APC: variants seen among roughly 807,000 people sequenced by gnomAD.
APC encodes adenomatous polyposis coli protein.
In APC, 72 loss-of-function variants were observed where a neutral mutation model predicts 247.0. The ratio of observed to expected loss-of-function variants is 0.29; its 90% CI spans 0.24 to 0.35. APC has a LOEUF of 0.35. APC is among the 10% of genes least tolerant of loss of function. The probability of loss-of-function intolerance (pLI) is 1.00; values close to 1 mark genes in which losing one functional copy is unlikely to be tolerated. For synonymous variants in APC, 1,254 were observed against 1,162.5 expected (o/e 1.08, Z -1.60); for missense variants, 3,400 against 3,360.7 (o/e 1.01, Z -0.29).
In APC at chr5:112,840,394, A is replaced by T. The variant is rs786201779; in HGVS notation, c.4800A>T (p.Lys1600Asn). Residue 1600 changes from lysine to asparagine, a missense_variant, in exon 16 of 16, where the codon AAA becomes AAT. By Grantham distance (94) the Lys-to-Asn change is moderately conservative (BLOSUM62 0). Transcript: ENST00000257430. The surrounding 1 kb of genome is among the most constrained non-coding windows in gnomAD (Gnocchi z 4.1). Reference sequence around the variant, plus strand: ...AAAAGCCAGCCCAGACTGCTTCAAAATTACCTCCACCTGTGGCAAGGAAAC... The same window carrying T: ...AAAAGCCAGCCCAGACTGCTTCAAATTTACCTCCACCTGTGGCAAGGAAAC... ...KAKKPAQTAS[K>N]LPPPVARKPS... 3 of 1,614,098 alleles carry T rather than the reference A, an allele frequency of 1.9e-6. No individual in the cohort carries two copies. The highest frequency in any genetic ancestry group is 2.5e-6 in the Non-Finnish European group (3 of 1,180,044).
chr5:112,717,885 CTTTTCT>C (rs1561401626), intron 1 of APC, among the ~76,000 whole-genome samples: 3 of 39,982 alleles, frequency 7.5e-5, no homozygotes, highest in East Asian at 1.6e-3. Context: ...TCTCTTACCT[CTTTTCT>C]TTTTCTTTTT....
chr5:112,808,514 C>T (rs182523548), intron 8 of APC, among the ~76,000 whole-genome samples: 1 of 152,188 alleles, frequency 6.6e-6, no homozygotes, highest in Non-Finnish European at 1.5e-5. Flanking sequence ...AGTGCAGTGG[C>T]AAAGCTCACT....
chr5:112,767,028 G>C (rs575746667), intron 3 of APC, among the ~76,000 whole-genome samples, 161 bp from the exon 4 acceptor site: 1 of 152,142 alleles, frequency 6.6e-6, no homozygotes, highest in South Asian at 2.1e-4. Context: ...TGACCCAAGT[G>C]GACTTTTCAG....
rs876660867 is a variant in APC, at chr5:112,839,704, A to T, written c.4110A>T (p.Lys1370Asn). 5 of 1,614,106 alleles carry T rather than the reference A, an allele frequency of 3.1e-6. No individual in the cohort carries two copies. Among genetic ancestry groups the T allele is most frequent in the Non-Finnish European group, 8.5e-7 (1 of 1,180,000 alleles). ...CCAAAAGTGGTGCTCAGACACCCAA[A>T]AGTCCACCTGAACACTATGTTCAGG... is the stretch of plus-strand genomic sequence containing the variant. The part of the protein sequence containing the change: ...SPSKSGAQTP[K>N]SPPEHYVQET... The change falls in exon 16 of 16, where the codon AAA (lysine) becomes AAT (asparagine). Residue 1370 changes from lysine to asparagine, a missense_variant. This residue lies in a region of APC where 715 missense variants were observed against 656.6 expected (regional missense o/e 1.09). Coordinates refer to ENST00000257430, the MANE Select transcript of APC (RefSeq NM_000038.6). This position sits in a 1 kb window ranked among gnomAD's most constrained non-coding sequence, Gnocchi z 5.0.
At chr5:112,773,673 A>G (rs1757296738) in intron 4 of APC, among the ~76,000 whole-genome samples, 1 of 152,202 alleles carries the variant, frequency 6.6e-6, no homozygotes, top group Non-Finnish European at 1.5e-5. Context: ...AAGTGGACCC[A>G]TGCAGTTCAC....
At chr5:112,798,821 G>T (rs1760481391) in intron 7 of APC, among the ~76,000 whole-genome samples, 1 of 152,168 alleles carries the variant, frequency 6.6e-6, no homozygotes, top group African/African-American at 2.4e-5. Context: ...GGAATTGCCT[G>T]GGTTGGAATT....
At chr5:112,813,787 C>T (rs1762219766) in intron 8 of APC, among the ~76,000 whole-genome samples, 1 of 151,528 alleles carries the variant, frequency 6.6e-6, no homozygotes, top group African/African-American at 2.4e-5. Flanking sequence ...AAAAAATCAC[C>T]AAAAGTGAAA....
At chr5:112,779,878 A>C (rs751063254) in intron 5 of APC, among the ~76,000 whole-genome samples, 30 of 152,328 alleles carry the variant, frequency 2.0e-4, no homozygotes, top group Admixed American at 1.3e-3. Flanking sequence ...TACAACTGAC[A>C]ACACAATTTG....
intron 8 of APC, among the ~76,000 whole-genome samples, chr5:112,811,426 A>G (rs1271781127): frequency 6.6e-6 from 1 of 152,210 alleles, no homozygotes; most frequent in Non-Finnish European, 1.5e-5. Flanking sequence ...GTCCCTCCGA[A>G]AGAAGTTGGC....
rs1308792439 is a variant in APC at position 112,841,479 on chromosome 5, G to A, written c.5885G>A (p.Cys1962Tyr). Residue 1962 changes from cysteine to tyrosine, a missense_variant, in exon 16 of 16, where the codon TGC becomes TAC. This residue lies in a region of APC where 1,788 missense variants were observed against 1,649.5 expected (regional missense o/e 1.08). Transcript: ENST00000257430. This position sits in a 1 kb window ranked among gnomAD's most constrained non-coding sequence, Gnocchi z 4.6. ...QNFAIENTPV[C>Y]FSHNSSLSSL... Reference sequence around the variant, plus strand: ...TTTGCTATTGAAAATACTCCGGTTTGCTTTTCTCATAATTCCTCTCTGAGT... The same window carrying A: ...TTTGCTATTGAAAATACTCCGGTTTACTTTTCTCATAATTCCTCTCTGAGT... The A allele has an allele frequency of 6.2e-7, 1 of 1,613,420 alleles. No individual in the cohort carries two copies. The highest frequency in any genetic ancestry group is 8.5e-7 in the Non-Finnish European group (1 of 1,179,492).
chr5:112,783,765 C>CAAAAAAA (rs77929348), intron 6 of APC: 8 of 198,074 alleles, frequency 4.0e-5, no homozygotes, highest in African/African-American at 9.8e-5. Flanking sequence ...CCACTGCACT[C>CAAAAAAA]AAAAAAAAAA....
chr5:112,777,664 A>T, intron 5 of APC: 1 of 208,124 alleles, frequency 4.8e-6, no homozygotes, highest in Non-Finnish European at 1.1e-5. Context: ...CTTCTGGACA[A>T]GAATGCCAAG....
At position 112,843,605 on chromosome 5, in the gene APC, T is replaced by C. The variant is rs774237132; in HGVS notation, c.8011T>C (p.Ser2671Pro). Residue 2671 changes from serine (S) to proline (P), a missense_variant, in exon 16 of 16, where the codon TCT becomes CCT. Ser to Pro is a moderately conservative substitution (Grantham distance 74). Coordinates refer to ENST00000257430, the MANE Select transcript of APC (RefSeq NM_000038.6). This position sits in a 1 kb window ranked among gnomAD's most constrained non-coding sequence, Gnocchi z 4.8. ...IEDCPINNPR[S>P]GRSPTGNTPP... Reference sequence around the variant, plus strand: ...GGACTGTCCCATTAACAATCCTAGATCTGGAAGATCTCCCACAGGTAATAC... The same window carrying C: ...GGACTGTCCCATTAACAATCCTAGACCTGGAAGATCTCCCACAGGTAATAC... 1 of 1,613,956 alleles carries C rather than the reference T, an allele frequency of 6.2e-7. No individual in the cohort carries two copies. The highest frequency in any genetic ancestry group is 8.5e-7 in the Non-Finnish European group (1 of 1,179,914).
At chr5:112,780,152 A>G (rs2149636418) in intron 5 of APC, among the ~76,000 whole-genome samples, 1 of 152,326 alleles carries the variant, frequency 6.6e-6, no homozygotes, top group East Asian at 1.9e-4. Context: ...AAATTTTTGA[A>G]TGAGTTATTA....
chr5:112,801,780 G>T (rs1193554114), intron 8 of APC, among the ~76,000 whole-genome samples: 1 of 151,628 alleles, frequency 6.6e-6, no homozygotes, highest in African/African-American at 2.4e-5. Context: ...AGTTATAAAG[G>T]CTTTATTTCC....
intron 14 of APC, among the ~76,000 whole-genome samples, chr5:112,832,421 C>A (rs1764394082): frequency 6.6e-6 from 1 of 152,198 alleles, no homozygotes; most frequent in Non-Finnish European, 1.5e-5. Flanking sequence ...CTATCTGCCT[C>A]CTACCACTTA....
At chr5:112,715,166 T>C (rs1751085864) in intron 1 of APC, among the ~76,000 whole-genome samples, 1 of 152,208 alleles carries the variant, frequency 6.6e-6, no homozygotes. Context: ...CTTGTGTTTT[T>C]GTCATTTTCT....
rs773347338 is a variant in APC, at chr5:112,767,189, A to C, written c.221A>C (p.Glu74Ala). 5.6e-6 allele frequency: 9 copies of C among 1,612,188 alleles called. No homozygotes were observed. The Middle Eastern group carries it at 9.9e-4, about 177-fold the overall frequency. ...GQIDLLERLK[E>A]LNLDSSNFPG... ...AAAAACTTGTTTCTATTTTATTTAG[A>C]GCTTAACTTAGATAGCAGTAATTTC... Residue 74 changes from glutamate (E) to alanine (A), a missense_variant and splice_region_variant, in exon 4 of 16, where the codon GAG becomes GCG. This residue lies in a region of APC where 372 missense variants were observed against 367.6 expected (regional missense o/e 1.01). Transcript: ENST00000257430.
intron 1 of APC, among the ~76,000 whole-genome samples, chr5:112,739,738 G>C (rs901520314): frequency 2.0e-5 from 3 of 152,124 alleles, no homozygotes; most frequent in Admixed American, 6.5e-5. Context: ...TTTAAAATCT[G>C]ATGGAAACTA....
Sources: gnomAD v4.1 joint callset for allele counts (sites outside exome capture counted in the v4.1 genomes callset) on GRCh38, gnomAD v4.1.1 for gene constraint, gnomAD v4.1.1 regional missense constraint, Gnocchi (gnomAD v3.1) non-coding constraint, MANE v1.5 for transcripts, NCBI Gene and HGNC (gene_info 2026-07-23, HGNC 2026-07-21) for gene names.